HPD: variants seen among roughly 807,000 people sequenced by gnomAD.
HPD encodes 4-hydroxyphenylpyruvate dioxygenase, also known as 4-hydroxyphenylpyruvic acid oxidase.
A neutral mutation model predicts 56.9 loss-of-function variants in HPD; 35 were observed. That is an observed-to-expected ratio of 0.62 (90% confidence interval 0.47 to 0.82). HPD has a LOEUF of 0.82. Ranked by LOEUF, HPD falls within the 40% of genes least tolerant of loss-of-function variation. HPD has a pLI of 0.00. For synonymous variants in HPD, 186 were observed against 200.2 expected (o/e 0.93, Z 0.60); for missense variants, 442 against 506.8 (o/e 0.87, Z 1.23).
chr12:121,882,707 T>C, the HPD span, among the ~76,000 whole-genome samples: 7 of 151,312 alleles, frequency 4.6e-5, no homozygotes, highest in Non-Finnish European at 8.8e-5. Flanking sequence ...TCCAGGGAGG[T>C]AGTATTTCTT....
At chr12:121,861,995 G>A (rs1386314844), upstream of HPD, among the ~76,000 whole-genome samples, 2 of 152,104 alleles carry the variant, frequency 1.3e-5, no homozygotes, top group Non-Finnish European at 2.9e-5. Flanking sequence ...CGGTGACAGA[G>A]TGAGACCCTG....
At chr12:121,884,431 G>A in the HPD span, among the ~76,000 whole-genome samples, 13 of 152,060 alleles carry the variant, frequency 8.5e-5, no homozygotes, top group East Asian at 1.7e-3. Flanking sequence ...CCAAAATGCC[G>A]GGATTACGGG....
At chr12:121,877,374 G>A in the HPD span, among the ~76,000 whole-genome samples, 1 of 152,086 alleles carries the variant, frequency 6.6e-6, no homozygotes, top group African/African-American at 2.4e-5. Flanking sequence ...TTACAAATGA[G>A]AGGGGTGTGA....
the HPD span, among the ~76,000 whole-genome samples, chr12:121,872,653 A>G: frequency 7.9e-5 from 12 of 152,004 alleles, no homozygotes; most frequent in South Asian, 2.5e-3. Context: ...GGGCAGTGAG[A>G]ATCCCTGTGA....
chr12:121,858,617 C>A (rs1878090108), intron 2 of HPD, 70 bp downstream of exon 2: 1 of 1,439,078 alleles, frequency 6.9e-7, no homozygotes, highest in East Asian at 2.3e-5. Context: ...CTGCTGAAAC[C>A]CCAGTCTCCC....
At chr12:121,855,729 A>ACACAC (rs915470646) in intron 6 of HPD, among the ~76,000 whole-genome samples, 7 of 150,262 alleles carry the variant, frequency 4.7e-5, no homozygotes, top group South Asian at 2.2e-4. Context: ...ACACACACAC[A>ACACAC]AAAGAAAGAA....
intron 4 of HPD, chr12:121,857,114 C>G (rs760461296): frequency 1.2e-4 from 66 of 562,510 alleles, no homozygotes; most frequent in Non-Finnish European, 1.9e-4. Flanking sequence ...GAGTCTTGCT[C>G]TGTCGCCCAG....
chr12:121,880,251 C>T, the HPD span, among the ~76,000 whole-genome samples: 2 of 151,390 alleles, frequency 1.3e-5, no homozygotes, highest in Non-Finnish European at 2.9e-5. Flanking sequence ...CGCCCAGACT[C>T]GGGTACAGTG....
At chr12:121,879,340 G>A in the HPD span, among the ~76,000 whole-genome samples, 1 of 151,142 alleles carries the variant, frequency 6.6e-6, no homozygotes, top group East Asian at 1.9e-4. Context: ...CGGGGTGGGG[G>A]GATGAAAATA....
chr12:121,859,256 T>C (rs1206117898), upstream of HPD: 2 of 310,834 alleles, frequency 6.4e-6, no homozygotes, highest in African/African-American at 2.1e-5. Context: ...CACAGCGTTG[T>C]ATTCCATAGC....
chr12:121,856,473 C>G (rs1440052320), intron 5 of HPD, 67 bp from the exon 6 acceptor site: 6 of 1,595,876 alleles, frequency 3.8e-6, no homozygotes, highest in Non-Finnish European at 5.2e-6. Flanking sequence ...GGCTTTTAGT[C>G]TCCATCCAGG....
chr12:121,853,322 C>T (rs1252819114), intron 7 of HPD, among the ~76,000 whole-genome samples: 1 of 152,074 alleles, frequency 6.6e-6, no homozygotes, highest in Non-Finnish European at 1.5e-5. Context: ...ACATATACCC[C>T]AGAACCTATA....
At chr12:121,882,494 G>A in the HPD span, among the ~76,000 whole-genome samples, 12,066 of 152,176 alleles carry the variant, frequency 0.079, 922 homozygotes, top group African/African-American at 0.2. Context: ...AGATGAAACA[G>A]AACAACTGGA....
the HPD span, among the ~76,000 whole-genome samples, chr12:121,872,419 C>T: frequency 2.6e-4 from 40 of 151,620 alleles, no homozygotes; most frequent in African/African-American, 9.2e-4. Context: ...TTAGTAGAGA[C>T]GGGGTTTCAC....
At chr12:121,881,930 G>C in the HPD span, among the ~76,000 whole-genome samples, 1 of 147,858 alleles carries the variant, frequency 6.8e-6, no homozygotes, top group Non-Finnish European at 1.5e-5. Flanking sequence ...ACAGGCGTGA[G>C]CCACCGCGCC....
chr12:121,840,891 C>CA (rs71079100), intron 12 of HPD, among the ~76,000 whole-genome samples: 29,828 of 149,436 alleles, frequency 0.2, 3,131 homozygotes, highest in African/African-American at 0.26. Context: ...CCAGTCACTA[C>CA]AAAAAAAAAT....
intron 7 of HPD, among the ~76,000 whole-genome samples, chr12:121,851,695 A>T (rs1286909711): frequency 0.058 from 115 of 1,966 alleles, 5 homozygotes; most frequent in African/African-American, 0.26. Flanking sequence ...TTATTTATTT[A>T]TTTATTTTTT....
upstream of HPD, among the ~76,000 whole-genome samples, chr12:121,863,157 ATT>A (rs1349717726): frequency 6.6e-6 from 1 of 150,900 alleles, no homozygotes; most frequent in Non-Finnish European, 1.5e-5. Context: ...TAATTTTTGT[ATT>A]TTTTATCAGA....
At chr12:121,875,427 C>CTT in the HPD span, among the ~76,000 whole-genome samples, 882 of 134,728 alleles carry the variant, frequency 6.5e-3, 14 homozygotes, top group African/African-American at 0.021. Flanking sequence ...TTCTTTCTTT[C>CTT]TTTTTTTTTT....
Sources: gnomAD v4.1 joint callset for allele counts (sites outside exome capture counted in the v4.1 genomes callset) on GRCh38, gnomAD v4.1.1 for gene constraint, MANE v1.5 for transcripts, NCBI Gene and HGNC (gene_info 2026-07-23, HGNC 2026-07-21) for gene names.